Variants in EYA1 observed in about 807,000 individuals in gnomAD.
The protein encoded by EYA1 is EYA transcriptional coactivator and phosphatase 1, also known as protein phosphatase EYA1.
A neutral mutation model predicts 82.0 loss-of-function variants in EYA1; 16 were observed. That is an observed-to-expected ratio of 0.20 (90% CI 0.13 to 0.30). The LOEUF is 0.30. Among genes scored for constraint, EYA1 ranks in the 10% least tolerant of loss-of-function variants. EYA1 has a pLI of 1.00. For synonymous variants in EYA1, 261 were observed against 264.4 expected, an observed-to-expected ratio of 0.99 and a Z score of 0.12; for missense variants, 633 against 730.7, an observed-to-expected ratio of 0.87 and a Z score of 1.54.
intron 7 of EYA1, among the ~76,000 whole-genome samples, chr8:71,304,829 G>A (rs1196686997): frequency 7.0e-6 from 1 of 142,656 alleles, no homozygotes; most frequent in African/African-American, 2.5e-5. Flanking sequence ...TAATTCAATG[G>A]AGACTTCAGT....
intron 7 of EYA1, among the ~76,000 whole-genome samples, chr8:71,306,514 T>C (rs1008881000): frequency 2.6e-5 from 4 of 152,066 alleles, no homozygotes; most frequent in African/African-American, 9.7e-5. Flanking sequence ...GGCCTGGAGA[T>C]GCCACTCGGG....
chr8:71,462,039 G>A (rs544952719), intron 2 of EYA1, among the ~76,000 whole-genome samples: 2 of 152,040 alleles, frequency 1.3e-5, no homozygotes, highest in Non-Finnish European at 2.9e-5. Context: ...GCCCAGAAAA[G>A]GCACCACAAG....
intron 2 of EYA1, among the ~76,000 whole-genome samples, chr8:71,495,657 A>T (rs1242743066): frequency 6.6e-6 from 1 of 152,150 alleles, no homozygotes; most frequent in Non-Finnish European, 1.5e-5. Flanking sequence ...TCTAGCAATG[A>T]TTGGAACTAC....
intron 4 of EYA1, among the ~76,000 whole-genome samples, chr8:71,329,698 T>A (rs951236678): frequency 6.6e-6 from 1 of 152,154 alleles, no homozygotes; most frequent in Non-Finnish European, 1.5e-5. Flanking sequence ...GGCAAATATG[T>A]GAGTGCCTAA....
intron 2 of EYA1, among the ~76,000 whole-genome samples, chr8:71,455,253 G>A (rs1485376387): frequency 6.6e-6 from 1 of 152,102 alleles, no homozygotes; most frequent in Admixed American, 6.5e-5. Flanking sequence ...CTTAAATTGA[G>A]GCAATCATTA....
At position 71,330,822 on chromosome 8, in the gene EYA1, A is replaced by G. The variant is rs375402027; in HGVS notation, c.202+3275T>C. ...CAGATAGCCTTCATCCAAATTCTCC[A>G]ACATGTTATTAGCTTTATCCTTGAT... On this transcript the variant is annotated intron_variant, in intron 4 of 17. Transcript: ENST00000340726. Among the ~76,000 whole-genome samples, 11 of 152,054 alleles carry G rather than the reference A, an allele frequency of 7.2e-5. No individual in the cohort carries two copies. The East Asian group carries it at 7.7e-4, about 11-fold the overall frequency.
intron 2 of EYA1, among the ~76,000 whole-genome samples, chr8:71,498,274 A>G (rs1811566562): frequency 6.6e-6 from 1 of 152,202 alleles, no homozygotes. Context: ...TCATTCCACA[A>G]TGTATATATA....
At chr8:71,266,883 A>G (rs1410698763) in intron 11 of EYA1, among the ~76,000 whole-genome samples, 1 of 152,192 alleles carries the variant, frequency 6.6e-6, no homozygotes, top group African/African-American at 2.4e-5. Context: ...GCCCAGGACA[A>G]CACAGGAATC....
chr8:71,279,083 A>G (rs1817525902), intron 9 of EYA1, among the ~76,000 whole-genome samples: 1 of 152,214 alleles, frequency 6.6e-6, no homozygotes, highest in Non-Finnish European at 1.5e-5. Context: ...CTGTCTGCTA[A>G]GACAATATAG....
intron 2 of EYA1, among the ~76,000 whole-genome samples, chr8:71,504,968 ATCTGTATTTTTAGT>A (rs1812081679): frequency 6.6e-6 from 1 of 151,884 alleles, no homozygotes; most frequent in East Asian, 1.9e-4. Context: ...CACTTGGCTA[ATCTGTATTTTTAGT>A]AGAAATGGGG....
At chr8:71,214,941 A>C (rs1422803821) in intron 16 of EYA1, among the ~76,000 whole-genome samples, 4 of 152,238 alleles carry the variant, frequency 2.6e-5, no homozygotes, top group Admixed American at 2.6e-4. Context: ...TCCACAACAA[A>C]AATGGAAACT....
chr8:71,522,490 T>C (rs796866376), intron 2 of EYA1, among the ~76,000 whole-genome samples: 44 of 152,330 alleles, frequency 2.9e-4, no homozygotes, highest in African/African-American at 9.6e-4. Flanking sequence ...TCCAAAGAAA[T>C]AGAACTAATA....
At chr8:71,397,753 A>T (rs914994379) in intron 2 of EYA1, among the ~76,000 whole-genome samples, 3 of 151,786 alleles carry the variant, frequency 2.0e-5, no homozygotes, top group African/African-American at 7.3e-5. Flanking sequence ...TGGCAAATCT[A>T]ACAATTGTGT....
intron 3 of EYA1, among the ~76,000 whole-genome samples, chr8:71,344,300 A>T (rs1825477850): frequency 6.6e-6 from 1 of 152,014 alleles, no homozygotes; most frequent in African/African-American, 2.4e-5. Context: ...TTGTACCAAT[A>T]AAAAAAATGC....
intron 9 of EYA1, among the ~76,000 whole-genome samples, chr8:71,297,415 T>TC (rs1819711135): frequency 1.3e-5 from 2 of 152,044 alleles, no homozygotes; most frequent in South Asian, 4.1e-4. Context: ...AATTAAGTCT[T>TC]CAACAGTTTA....
chr8:71,246,614 G>A (rs1813126859), intron 11 of EYA1, among the ~76,000 whole-genome samples: 1 of 152,184 alleles, frequency 6.6e-6, no homozygotes, highest in Non-Finnish European at 1.5e-5. Context: ...GCCAGACCCT[G>A]CCTTTGCTTT....
chr8:71,277,485 G>A (rs988766210), intron 9 of EYA1, among the ~76,000 whole-genome samples: 6 of 152,018 alleles, frequency 3.9e-5, no homozygotes, highest in East Asian at 3.9e-4. Flanking sequence ...TACCCTCTCC[G>A]CTGTCTGAGA....
intron 9 of EYA1, among the ~76,000 whole-genome samples, chr8:71,282,938 GTT>G (rs11330984): frequency 4.8e-4 from 63 of 131,378 alleles, no homozygotes; most frequent in Admixed American, 8.3e-4. Context: ...ACACCACCTT[GTT>G]TTTTTTTTTT....
intron 2 of EYA1, among the ~76,000 whole-genome samples, chr8:71,487,389 A>G (rs1238549660): frequency 6.6e-6 from 1 of 152,174 alleles, no homozygotes; most frequent in African/African-American, 2.4e-5. Context: ...ACCAGTCTAC[A>G]AAGATCTGAG....
Sources: gnomAD v4.1 joint callset for allele counts (sites outside exome capture counted in the v4.1 genomes callset) on GRCh38, gnomAD v4.1.1 for gene constraint, MANE v1.5 for transcripts, NCBI Gene and HGNC (gene_info 2026-07-23, HGNC 2026-07-21) for gene names.